Variants in GLYATL2 observed in about 807,000 individuals in gnomAD.
GLYATL2 encodes glycine-N-acyltransferase like 2.
Under a neutral mutation model 21.4 loss-of-function variants are expected in GLYATL2, and 25 were observed. The ratio of observed to expected loss-of-function variants is 1.17; its 90% CI spans 0.85 to 1.63. The LOEUF (loss-of-function observed/expected upper bound fraction) is 1.63. Ranked by LOEUF, GLYATL2 falls within the 40% of genes most tolerant of loss-of-function variation. The pLI, the probability that GLYATL2 is intolerant of heterozygous loss-of-function variation, is 0.00. For synonymous variants in GLYATL2, 114 were observed against 118.2 expected, an observed-to-expected ratio of 0.96 and a Z score of 0.23; for missense variants, 361 against 343.3, an observed-to-expected ratio of 1.05 and a Z score of -0.41.
intron 1 of GLYATL2, among the ~76,000 whole-genome samples, chr11:58,896,843 A>G (rs1854644698): frequency 6.6e-6 from 1 of 152,258 alleles, no homozygotes; most frequent in Middle Eastern, 3.4e-3. Flanking sequence ...AACGTTTCAT[A>G]TAGGAATTAA....
chr11:58,863,211 AT>A (rs1853963241), intron 1 of GLYATL2, among the ~76,000 whole-genome samples: 1 of 152,200 alleles, frequency 6.6e-6, no homozygotes, highest in South Asian at 2.1e-4. Context: ...GGACTGAAGC[AT>A]GGGTCCACAG....
chr11:58,867,479 T>C (rs1402837489), intron 1 of GLYATL2, among the ~76,000 whole-genome samples: 1 of 148,590 alleles, frequency 6.7e-6, no homozygotes, highest in Non-Finnish European at 1.5e-5. Context: ...CTCATAGGTG[T>C]TTACTCCACC....
At chr11:58,869,230 G>C (rs1057090576) in intron 1 of GLYATL2, among the ~76,000 whole-genome samples, 3 of 152,282 alleles carry the variant, frequency 2.0e-5, no homozygotes, top group Non-Finnish European at 2.9e-5. Flanking sequence ...ATTAGAATTT[G>C]ATAAACCGAT....
intron 1 of GLYATL2, among the ~76,000 whole-genome samples, chr11:58,853,640 A>G (rs1033521011): frequency 6.6e-6 from 1 of 152,162 alleles, no homozygotes; most frequent in Admixed American, 6.6e-5. Context: ...AAACAAATCT[A>G]TGTCCTTATA....
At chr11:58,871,738 A>G (rs1387042588) in intron 1 of GLYATL2, among the ~76,000 whole-genome samples, 3 of 152,160 alleles carry the variant, frequency 2.0e-5, no homozygotes, top group African/African-American at 7.2e-5. Context: ...GTGCTGCAAT[A>G]AACATATGTG....
chr11:58,905,783 T>G, upstream of GLYATL2: 1 of 386,828 alleles, frequency 2.6e-6, no homozygotes, highest in Non-Finnish European at 5.3e-6. Context: ...GGCCTGGCCG[T>G]CTGACCCGCC....
intron 1 of GLYATL2, among the ~76,000 whole-genome samples, chr11:58,883,282 G>T (rs1457391030): frequency 6.6e-6 from 1 of 151,942 alleles, no homozygotes; most frequent in Non-Finnish European, 1.5e-5. Flanking sequence ...TCCAGGAGCT[G>T]GTTTTTTGAA....
chr11:58,856,839 T>C (rs909057171), intron 1 of GLYATL2, among the ~76,000 whole-genome samples: 1 of 152,230 alleles, frequency 6.6e-6, no homozygotes, highest in Non-Finnish European at 1.5e-5. Context: ...AAAGTCTGAA[T>C]ATATTGGGAA....
chr11:58,869,553 G>C (rs768674408), intron 1 of GLYATL2, among the ~76,000 whole-genome samples: 1 of 152,164 alleles, frequency 6.6e-6, no homozygotes, highest in Admixed American at 6.6e-5. Flanking sequence ...TTACTATCTC[G>C]TGGCTAGAGT....
chr11:58,865,300 G>T (rs1432049373), intron 1 of GLYATL2, among the ~76,000 whole-genome samples: 2 of 148,924 alleles, frequency 1.3e-5, no homozygotes, highest in Non-Finnish European at 3.0e-5. Flanking sequence ...TGTTGGGCTA[G>T]AAAAGACAAA....
chr11:58,861,254 T>A (rs2856255), intron 1 of GLYATL2, among the ~76,000 whole-genome samples: 134,711 of 151,850 alleles, frequency 0.89, 60,914 homozygotes, highest in Non-Finnish European at 0.98. Context: ...TTTTTTTACT[T>A]ATTTAACGTC....
At chr11:58,890,332 A>T (rs1333511529) in intron 1 of GLYATL2, among the ~76,000 whole-genome samples, 3 of 152,160 alleles carry the variant, frequency 2.0e-5, no homozygotes. Context: ...AATAGCCAAA[A>T]GAAAATGACT....
At chr11:58,904,212 T>C (rs1854800530) in exon 1 of GLYATL2, 1 of 152,168 alleles carries the variant, frequency 6.6e-6, no homozygotes, top group South Asian at 2.1e-4. Context: ...TTAGCCATCT[T>C]CTCCCTTCCA....
chr11:58,880,049 G>A (rs1431154740), intron 1 of GLYATL2, among the ~76,000 whole-genome samples: 3 of 151,842 alleles, frequency 2.0e-5, no homozygotes, highest in East Asian at 3.9e-4. Flanking sequence ...TAGTAGAGAC[G>A]GGGTTTCACC....
rs1854013368 is a variant in GLYATL2 at position 58,865,744 on chromosome 11, CT to C, written n.61-27377del. On this transcript the variant is annotated intron_variant and non_coding_transcript_variant, in intron 1 of 4. Transcript: ENST00000533636. ...AAGGATGAAGGAAGAAGGCAGGTGT[CT>C]TTCTTAACCACTGTTTTAGGACATG... Among the ~76,000 whole-genome samples, 3 of 146,362 alleles carry C rather than the reference CT, an allele frequency of 2.0e-5. No homozygotes were observed. In the South Asian group the frequency reaches 6.7e-4, roughly 33 times the overall value.
intron 1 of GLYATL2, among the ~76,000 whole-genome samples, chr11:58,853,548 G>T (rs923275210): frequency 1.3e-5 from 2 of 152,016 alleles, no homozygotes; most frequent in Non-Finnish European, 2.9e-5. Flanking sequence ...TGTTTGGGTG[G>T]GCTCTGACAC....
upstream of GLYATL2, among the ~76,000 whole-genome samples, chr11:58,848,094 C>A (rs1420772480): frequency 6.7e-6 from 1 of 148,306 alleles, no homozygotes; most frequent in Non-Finnish European, 1.5e-5. Flanking sequence ...TTCTCCAAGA[C>A]TATTGAGGCG....
chr11:58,892,821 C>A, intron 1 of GLYATL2: 1 of 320,272 alleles, frequency 3.1e-6, no homozygotes, highest in East Asian at 6.3e-5. Flanking sequence ...ATAGGCCACC[C>A]AGATGATGAA....
At chr11:58,908,202 G>T (rs1348781658), upstream of GLYATL2, 5 of 152,164 alleles carry the variant, frequency 3.3e-5, no homozygotes, top group Non-Finnish European at 5.9e-5. Context: ...AAACTGCCAG[G>T]TTCTGCCTGT....
Sources: allele counts gnomAD v4.1 joint callset (sites outside exome capture counted in the v4.1 genomes callset), GRCh38; gene constraint gnomAD v4.1.1; transcripts MANE v1.5; gene names NCBI Gene and HGNC (gene_info 2026-07-23, HGNC 2026-07-21).